Variants in PHKB observed in about 807,000 individuals in gnomAD.
PHKB encodes phosphorylase kinase regulatory subunit beta.
A neutral mutation model predicts 152.1 loss-of-function variants in PHKB; 122 were observed. The ratio of observed to expected loss-of-function variants is 0.80; its 90% confidence interval spans 0.69 to 0.93. The LOEUF (loss-of-function observed/expected upper bound fraction) is 0.93, where lower values mean the gene tolerates loss of function less well. Among genes scored for constraint, PHKB ranks in the 40% least tolerant of loss-of-function variants. The probability of loss-of-function intolerance (pLI) is 0.00; values close to 1 mark genes in which losing one functional copy is unlikely to be tolerated. For missense variants in PHKB, 1,304 were observed against 1,328.4 expected, an observed-to-expected ratio of 0.98 and a Z score of 0.29; for synonymous variants, 436 against 464.9, an observed-to-expected ratio of 0.94 and a Z score of 0.80.
chr16:47,597,318 A>C (rs1048349145), intron 13 of PHKB, among the ~76,000 whole-genome samples: 3 of 152,190 alleles, frequency 2.0e-5, no homozygotes, highest in African/African-American at 7.2e-5. Context: ...AATGCTAATA[A>C]ATTTGTGCCG....
intron 14 of PHKB, chr16:47,619,197 A>C (rs1972574804): frequency 1.3e-5 from 2 of 152,210 alleles, no homozygotes; most frequent in African/African-American, 4.8e-5. Flanking sequence ...AAGTGACAGA[A>C]CCAATATGAA....
intron 20 of PHKB, among the ~76,000 whole-genome samples, chr16:47,655,227 T>C (rs540486841): frequency 9.8e-5 from 15 of 152,316 alleles, no homozygotes; most frequent in African/African-American, 3.6e-4. Context: ...GTATAGATTA[T>C]TTAATATATA....
At chr16:47,534,901 TAAAATTTA>T in intron 6 of PHKB, among the ~76,000 whole-genome samples, 1 of 152,180 alleles carries the variant, frequency 6.6e-6, no homozygotes, top group Non-Finnish European at 1.5e-5. Flanking sequence ...CAGAATAACA[TAAAATTTA>T]TTGAGGTCAT....
At chr16:47,495,451 T>C (rs1004792193) in intron 1 of PHKB, among the ~76,000 whole-genome samples, 3 of 152,182 alleles carry the variant, frequency 2.0e-5, no homozygotes, top group Non-Finnish European at 1.5e-5. Flanking sequence ...ATGTTTTGTA[T>C]GTAAAGCAAA....
intron 20 of PHKB, among the ~76,000 whole-genome samples, chr16:47,653,419 T>G (rs1019192493): frequency 2.0e-5 from 3 of 152,204 alleles, no homozygotes; most frequent in African/African-American, 7.2e-5. Context: ...GGAAAGGAAC[T>G]TTTGGACCCA....
chr16:47,520,081 T>C (rs1298319808), intron 6 of PHKB, among the ~76,000 whole-genome samples: 1 of 152,170 alleles, frequency 6.6e-6, no homozygotes, highest in Non-Finnish European at 1.5e-5. Flanking sequence ...TTGAGGGGTT[T>C]CTATCTCAAA....
chr16:47,498,068 T>G (rs1297764174), intron 2 of PHKB, among the ~76,000 whole-genome samples: 1 of 152,218 alleles, frequency 6.6e-6, no homozygotes. Context: ...CATATTAATC[T>G]TTTTGTCAGT....
chr16:47,693,234 CTG>C (rs1974092726), intron 27 of PHKB, 142 bp from the exon 28 acceptor site: 1 of 781,068 alleles, frequency 1.3e-6, no homozygotes, highest in Non-Finnish European at 2.2e-6. Flanking sequence ...TTACTAGCCT[CTG>C]TAACACACGG....
chr16:47,664,918 G>A lies in PHKB; in HGVS notation c.2370G>A (p.Gln790=), dbSNP rs748646965. ...TGCGCTACGGGGCTGCATTTACCCA[G>A]AAATTTTCTTCCTCTATAGCCCCAC... ...LAVRYGAAFT[Q]KFSSSIAPHI... The change falls in exon 25 of 31, where the codon CAG becomes CAA. Residue 790 remains glutamine, a synonymous_variant. Coordinates refer to ENST00000323584, the MANE Select transcript of PHKB (RefSeq NM_000293.3). 7 of 1,613,918 alleles carry A rather than the reference G, an allele frequency of 4.3e-6. No homozygotes were observed. In the Admixed American group the frequency reaches 1.2e-4, roughly 27 times the overall value.
chr16:47,583,194 A>G (rs1971878789), intron 8 of PHKB, among the ~76,000 whole-genome samples: 1 of 152,180 alleles, frequency 6.6e-6, no homozygotes, highest in Non-Finnish European at 1.5e-5. Context: ...TTGTTTTACA[A>G]ATTCCCTTTC....
chr16:47,603,570 C>T (rs1277750878), intron 13 of PHKB, among the ~76,000 whole-genome samples: 1 of 146,894 alleles, frequency 6.8e-6, no homozygotes, highest in Non-Finnish European at 1.5e-5. Context: ...GTGGCACTAT[C>T]TCGGCTCACT....
chr16:47,669,279 T>G lies in PHKB; in HGVS notation c.2492T>G (p.Ile831Ser), dbSNP rs1973594478. Residue 831 changes from isoleucine (I) to serine (S), a missense_variant, in exon 26 of 31, where the codon ATT becomes AGT. Ile to Ser is a moderately radical substitution (Grantham distance 142). Coordinates refer to ENST00000323584, the MANE Select transcript of PHKB (RefSeq NM_000293.3). Reference protein sequence around the residue: ...VISNPLSPRVIQNIIYYKCNT... With the variant: ...VISNPLSPRVSQNIIYYKCNT... ...TCTAATCCTTTGTCTCCAAGAGTGATTCAAAACATCATCTATTATAAGTGT... is the reference window on the plus strand; with the variant it reads ...TCTAATCCTTTGTCTCCAAGAGTGAGTCAAAACATCATCTATTATAAGTGT... The G allele has an allele frequency of 8.7e-6, 14 of 1,614,120 alleles. No individual in the cohort carries two copies. Among genetic ancestry groups the G allele is most frequent in the African/African-American group, 1.3e-5 (1 of 75,036 alleles).
At chr16:47,548,346 C>T (rs142150073) in intron 7 of PHKB, among the ~76,000 whole-genome samples, 311 of 152,240 alleles carry the variant, frequency 2.0e-3, no homozygotes, top group East Asian at 5.0e-3. Context: ...CGGTGGCTCA[C>T]GCCTGTAATC....
At chr16:47,536,324 T>TA (rs1478951263) in intron 6 of PHKB, among the ~76,000 whole-genome samples, 4 of 152,198 alleles carry the variant, frequency 2.6e-5, no homozygotes, top group Non-Finnish European at 4.4e-5. Flanking sequence ...GTGCTGGGAT[T>TA]ACAGGCGTGA....
At chr16:47,598,914 C>A in intron 13 of PHKB, 1 of 1,588,608 alleles carries the variant, frequency 6.3e-7, no homozygotes, top group East Asian at 2.2e-5. Context: ...CGTCAAGAAT[C>A]TTTGTGTACA....
At chr16:47,514,456 C>T (rs973967899) in intron 5 of PHKB, among the ~76,000 whole-genome samples, 2 of 152,158 alleles carry the variant, frequency 1.3e-5, no homozygotes, top group African/African-American at 4.8e-5. Flanking sequence ...AGCTGGATAA[C>T]CTGGAGTTCT....
At chr16:47,593,772 T>C (rs1464003833) in intron 11 of PHKB, among the ~76,000 whole-genome samples, 4 of 152,286 alleles carry the variant, frequency 2.6e-5, no homozygotes, top group Admixed American at 6.5e-5. Context: ...AAAAAAACAC[T>C]TGGAAGCATT....
At chr16:47,497,641 A>G (rs921372020) in intron 2 of PHKB, among the ~76,000 whole-genome samples, 153 bp downstream of exon 2, 1 of 152,152 alleles carries the variant, frequency 6.6e-6, no homozygotes, top group African/African-American at 2.4e-5. Flanking sequence ...TTCCAATTGT[A>G]TGTCGATATC....
At chr16:47,600,960 A>C (rs984454764) in intron 13 of PHKB, among the ~76,000 whole-genome samples, 7 of 152,314 alleles carry the variant, frequency 4.6e-5, no homozygotes, top group Admixed American at 3.9e-4. Flanking sequence ...CCTCGCTAGT[A>C]GATGGGACTA....
Sources: allele counts gnomAD v4.1 joint callset (sites outside exome capture counted in the v4.1 genomes callset), GRCh38; gene constraint gnomAD v4.1.1; transcripts MANE v1.5; gene names NCBI Gene and HGNC (gene_info 2026-07-23, HGNC 2026-07-21).